The following ATP8A2 variants were observed in gnomAD, a reference collection of about 807,000 sequenced individuals.
The protein encoded by ATP8A2 is ATPase phospholipid transporting 8A2.
A neutral mutation model predicts 165.6 loss-of-function variants in ATP8A2; 100 were observed. The observed-to-expected ratio is 0.60, with a 90% CI of 0.51 to 0.71. The LOEUF (loss-of-function observed/expected upper bound fraction) is 0.71. ATP8A2 is among the 30% of genes least tolerant of loss of function. The pLI, the probability that ATP8A2 is intolerant of heterozygous loss-of-function variation, is 0.00. For missense variants in ATP8A2, 1,227 were observed against 1,479.5 expected, an observed-to-expected ratio of 0.83 and a Z score of 2.80; for synonymous variants, 543 against 548.8, an observed-to-expected ratio of 0.99 and a Z score of 0.15.
intron 33 of ATP8A2, among the ~76,000 whole-genome samples, chr13:25,914,750 C>A (rs1234195069): frequency 2.0e-5 from 3 of 152,220 alleles, no homozygotes; most frequent in Non-Finnish European, 2.9e-5. Flanking sequence ...ACAGAGCAAA[C>A]CCCAGTCTCC....
chr13:25,990,363 G>C (rs1243359010), intron 35 of ATP8A2, among the ~76,000 whole-genome samples: 1 of 152,060 alleles, frequency 6.6e-6, no homozygotes, highest in East Asian at 1.9e-4. Flanking sequence ...GAAAAGTGTG[G>C]CATGGAAAAC....
At chr13:25,893,965 T>C (rs1271928788) in intron 33 of ATP8A2, among the ~76,000 whole-genome samples, 1 of 152,220 alleles carries the variant, frequency 6.6e-6, no homozygotes. Context: ...TGCAAAAAGT[T>C]TCTCCCATTC....
intron 25 of ATP8A2, among the ~76,000 whole-genome samples, chr13:25,764,371 A>T (rs1033758978): frequency 6.6e-6 from 1 of 152,252 alleles, no homozygotes; most frequent in African/African-American, 2.4e-5. Flanking sequence ...AAACTTTAAG[A>T]AAGGGGATAA....
intron 24 of ATP8A2, among the ~76,000 whole-genome samples, chr13:25,666,164 A>G (rs981650306): frequency 6.6e-6 from 1 of 151,824 alleles, no homozygotes. Flanking sequence ...TAATTATTGA[A>G]TCTTAAGAAT....
intron 24 of ATP8A2, among the ~76,000 whole-genome samples, chr13:25,638,126 C>T (rs557303313): frequency 6.6e-6 from 1 of 152,190 alleles, no homozygotes; most frequent in Non-Finnish European, 1.5e-5. Flanking sequence ...TCATCAAAGA[C>T]CAAAGATAGA....
At chr13:25,687,831 C>G (rs759910419) in intron 24 of ATP8A2, among the ~76,000 whole-genome samples, 1 of 152,242 alleles carries the variant, frequency 6.6e-6, no homozygotes. Flanking sequence ...TCCCAGCATT[C>G]TAAGCCTCCT....
At chr13:25,647,009 A>G (rs2041691653) in intron 24 of ATP8A2, among the ~76,000 whole-genome samples, 1 of 152,150 alleles carries the variant, frequency 6.6e-6, no homozygotes. Context: ...ACAACACTAC[A>G]CTTCTCTTTC....
intron 35 of ATP8A2, among the ~76,000 whole-genome samples, chr13:25,990,076 T>C (rs1305079751): frequency 6.6e-6 from 1 of 152,078 alleles, no homozygotes; most frequent in African/African-American, 2.4e-5. Flanking sequence ...AGGGAGGTGC[T>C]CCCAGGAGCC....
At position 25,491,606 on chromosome 13, in the gene ATP8A2, C is replaced by T. The variant is rs147614922; in HGVS notation, c.221+22485C>T. Among the ~76,000 whole-genome samples, 9 of 152,232 alleles carry T rather than the reference C, an allele frequency of 5.9e-5. No homozygotes were observed. The East Asian group carries it at 1.4e-3, about 23-fold the overall frequency. On this transcript the variant is annotated intron_variant, in intron 2 of 36. Transcript: ENST00000381655. ...TAAGAAAGTAGAACTTGAGTTACTT[C>T]GATTCTGTCATTTTATGTGACCACG...
At chr13:25,997,325 C>T (rs1446388545) in intron 35 of ATP8A2, among the ~76,000 whole-genome samples, 3 of 152,166 alleles carry the variant, frequency 2.0e-5, no homozygotes, top group African/African-American at 7.2e-5. Flanking sequence ...TGTCAACCTA[C>T]GTGGTTTTCC....
intron 24 of ATP8A2, among the ~76,000 whole-genome samples, chr13:25,655,391 T>C (rs1449025100): frequency 6.6e-6 from 1 of 152,174 alleles, no homozygotes; most frequent in Non-Finnish European, 1.5e-5. Flanking sequence ...AACTCCGACC[T>C]CAGGTGATCC....
At chr13:25,712,785 TAA>T (rs1208625767) in intron 25 of ATP8A2, among the ~76,000 whole-genome samples, 1 of 152,194 alleles carries the variant, frequency 6.6e-6, no homozygotes, top group African/African-American at 2.4e-5. Context: ...TGGTGTATGT[TAA>T]AAGGGTCGGA....
intron 25 of ATP8A2, among the ~76,000 whole-genome samples, chr13:25,760,147 C>T (rs930340055): frequency 2.0e-5 from 3 of 152,122 alleles, no homozygotes; most frequent in Non-Finnish European, 2.9e-5. Context: ...AGTACAGGAT[C>T]GAGTTTTAAG....
intron 23 of ATP8A2, among the ~76,000 whole-genome samples, chr13:25,582,748 C>G (rs1308890211): frequency 6.6e-6 from 1 of 152,156 alleles, no homozygotes; most frequent in Non-Finnish European, 1.5e-5. Flanking sequence ...TCAGAGTAGT[C>G]TTCTTGGAAT....
chr13:25,887,078 T>C (rs368048293), intron 33 of ATP8A2, among the ~76,000 whole-genome samples: 19 of 152,114 alleles, frequency 1.2e-4, no homozygotes, highest in East Asian at 7.7e-4. Context: ...TTTATGGTGT[T>C]GGAGGTCAGG....
intron 25 of ATP8A2, among the ~76,000 whole-genome samples, chr13:25,709,283 T>C (rs2043113284): frequency 6.6e-6 from 1 of 152,184 alleles, no homozygotes; most frequent in Non-Finnish European, 1.5e-5. Context: ...CCAAAGTAAA[T>C]ACACCAAGTT....
chr13:26,012,672 C>T, intron 36 of ATP8A2, 50 bp downstream of exon 36: 2 of 846,998 alleles, frequency 2.4e-6, no homozygotes, highest in African/African-American at 2.6e-5. Context: ...CGGTGCGGGG[C>T]GGGGGTTGAT....
rs2038939981 is a variant in ATP8A2, at chr13:25,555,018, G to A, written c.1213G>A (p.Asp405Asn). 1 of 1,612,174 alleles carries A rather than the reference G, an allele frequency of 6.2e-7. No individual in the cohort carries two copies. The highest frequency in any genetic ancestry group is 8.5e-7 in the Non-Finnish European group (1 of 1,178,534). Residue 405 changes from aspartate (D) to asparagine (N), a missense_variant, in exon 13 of 37, where the codon GAC becomes AAC. Around this residue, in one of 5 missense-constraint regions of ATP8A2, gnomAD observed 592 missense variants for 785.6 expected, o/e 0.75. Coordinates refer to ENST00000381655, the MANE Select transcript of ATP8A2 (RefSeq NM_016529.6). ...WDTDMYYIGNDTPAMARTSNL... is the reference protein window; with the variant it reads ...WDTDMYYIGNNTPAMARTSNL... ...CACAGATATGTATTATATAGGAAAT[G>A]ACACTCCTGCCATGGCCAGGACATC...
chr13:25,839,270 T>A (rs901293300), intron 29 of ATP8A2, among the ~76,000 whole-genome samples: 3 of 152,202 alleles, frequency 2.0e-5, no homozygotes, highest in African/African-American at 7.2e-5. Flanking sequence ...ATTTTTCACA[T>A]GTGGATAGAT....
Sources: gnomAD v4.1 joint callset for allele counts (sites outside exome capture counted in the v4.1 genomes callset) on GRCh38, gnomAD v4.1.1 for gene constraint, gnomAD v4.1.1 regional missense constraint, MANE v1.5 for transcripts, NCBI Gene and HGNC (gene_info 2026-07-23, HGNC 2026-07-21) for gene names.